The following DOK6 variants were observed in gnomAD, a reference collection of about 807,000 sequenced individuals.
DOK6 encodes the protein docking protein 6.
Under a neutral mutation model 44.0 loss-of-function variants are expected in DOK6, and 22 were observed. That is an observed-to-expected ratio of 0.50 (90% CI 0.36 to 0.71). DOK6 has a LOEUF of 0.71. DOK6 is among the 30% of genes least tolerant of loss of function. The pLI, the probability that DOK6 is intolerant of heterozygous loss-of-function variation, is 0.00. For synonymous variants in DOK6, 166 were observed against 145.5 expected, an observed-to-expected ratio of 1.14 and a Z score of -1.01; for missense variants, 340 against 416.4, an observed-to-expected ratio of 0.82 and a Z score of 1.60.
intron 5 of DOK6, among the ~76,000 whole-genome samples, chr18:69,700,114 G>T (rs1161656194): frequency 6.6e-6 from 1 of 151,670 alleles, no homozygotes; most frequent in African/African-American, 2.4e-5. Flanking sequence ...ATCTCCCACT[G>T]GGTCACTCCA....
intron 5 of DOK6, among the ~76,000 whole-genome samples, chr18:69,709,893 C>T (rs1231594653): frequency 2.6e-5 from 4 of 152,138 alleles, no homozygotes; most frequent in East Asian, 1.9e-4. Context: ...TATAAACTTA[C>T]TGGCTAGGCA....
intron 6 of DOK6, among the ~76,000 whole-genome samples, chr18:69,749,040 C>A (rs1423331540): frequency 2.6e-5 from 4 of 151,938 alleles, no homozygotes; most frequent in Admixed American, 2.6e-4. Context: ...TTATCCCCAG[C>A]AAACTAATGC....
At chr18:69,828,908 T>A in intron 7 of DOK6, among the ~76,000 whole-genome samples, 1 of 31,942 alleles carries the variant, frequency 3.1e-5, no homozygotes, top group Non-Finnish European at 1.5e-4. Context: ...ATAGTATGTA[T>A]GTTAGAGAAA....
chr18:69,405,227 G>A (rs2122380579), intron 1 of DOK6, among the ~76,000 whole-genome samples: 1 of 152,266 alleles, frequency 6.6e-6, no homozygotes, highest in Non-Finnish European at 1.5e-5. Context: ...TGTAAACACT[G>A]TGAGTTTTCC....
At position 69,843,516 on chromosome 18, in the gene DOK6, C is replaced by T. The variant is rs1263164871; in HGVS notation, c.*2133C>T. The T allele has an allele frequency of 6.6e-6, 1 of 152,226 alleles. No individual in the cohort carries two copies. The highest frequency in any genetic ancestry group is 1.9e-4 in the East Asian group (1 of 5,196). 9.4% of individuals were successfully genotyped at this position (152,226 alleles called of 1,614,324 possible). On this transcript the variant is annotated 3_prime_UTR_variant, in exon 8 of 8. Transcript: ENST00000382713. ...CTACAAGGGACTTATGGGGAACGGCCCTCAGGGGTCCTGGTTCACATCTCA... is the reference window on the plus strand; with the variant it reads ...CTACAAGGGACTTATGGGGAACGGCTCTCAGGGGTCCTGGTTCACATCTCA...
At chr18:69,782,585 T>C (rs924338933) in intron 7 of DOK6, among the ~76,000 whole-genome samples, 3 of 151,340 alleles carry the variant, frequency 2.0e-5, no homozygotes, top group Non-Finnish European at 4.4e-5. Flanking sequence ...ACAAAGACAA[T>C]AGAACAAGTT....
At chr18:69,666,718 G>C (rs185804972) in intron 3 of DOK6, among the ~76,000 whole-genome samples, 1 of 152,186 alleles carries the variant, frequency 6.6e-6, no homozygotes, top group East Asian at 1.9e-4. Flanking sequence ...GAATGAGTTA[G>C]ATGACAGATG....
In DOK6 at chr18:69,523,250, T is replaced by C. The variant is rs868437989; in HGVS notation, c.67-41237T>C. Among the ~76,000 whole-genome samples, 7 of 152,192 alleles carry C rather than the reference T, an allele frequency of 4.6e-5. 1 individual carries two copies. In the Middle Eastern group the frequency reaches 0.02, roughly 444 times the overall value. ...GGATGACAGAGTGAACAATGGAAGCTGTACAGACAGATACATTTTCATCTA... is the reference window on the plus strand; with the variant it reads ...GGATGACAGAGTGAACAATGGAAGCCGTACAGACAGATACATTTTCATCTA... On this transcript the variant is annotated intron_variant, in intron 1 of 7. Coordinates refer to ENST00000382713, the MANE Select transcript of DOK6 (RefSeq NM_152721.6).
intron 1 of DOK6, among the ~76,000 whole-genome samples, chr18:69,427,176 G>A (rs11661902): frequency 0.076 from 11,483 of 151,978 alleles, 544 homozygotes; most frequent in Non-Finnish European, 0.1. Flanking sequence ...GACATGTGCT[G>A]TCTCTCTCTC....
At chr18:69,835,077 G>T (rs908808118) in intron 7 of DOK6, among the ~76,000 whole-genome samples, 1 of 152,124 alleles carries the variant, frequency 6.6e-6, no homozygotes, top group African/African-American at 2.4e-5. Context: ...CCATAATCCA[G>T]TCACCTCCCG....
chr18:69,675,272 AAC>A (rs1025509961), intron 3 of DOK6, among the ~76,000 whole-genome samples: 1 of 152,176 alleles, frequency 6.6e-6, no homozygotes, highest in African/African-American at 2.4e-5. Flanking sequence ...CAAAAGACTT[AAC>A]ACAAAGAAGG....
chr18:69,597,868 T>C (rs1431516247), intron 2 of DOK6, among the ~76,000 whole-genome samples: 2 of 152,234 alleles, frequency 1.3e-5, no homozygotes, highest in Non-Finnish European at 2.9e-5. Context: ...GTTGGGGTTG[T>C]AAATACATTT....
intron 3 of DOK6, among the ~76,000 whole-genome samples, chr18:69,674,685 C>G (rs1214259050): frequency 6.6e-6 from 1 of 152,038 alleles, no homozygotes; most frequent in African/African-American, 2.4e-5. Context: ...CACTAACACA[C>G]ACATCATCAT....
chr18:69,737,963 C>G (rs186325992), intron 5 of DOK6, among the ~76,000 whole-genome samples: 124 of 152,332 alleles, frequency 8.1e-4, no homozygotes, highest in African/African-American at 2.3e-3. Context: ...TCCTCTGAAT[C>G]AACAAAGAAA....
intron 3 of DOK6, among the ~76,000 whole-genome samples, chr18:69,649,425 GTATTT>G (rs1985164915): frequency 1.3e-5 from 2 of 152,248 alleles, no homozygotes; most frequent in East Asian, 3.9e-4. Context: ...GAAAATAGGG[GTATTT>G]TAGTTTGGGA....
chr18:69,833,086 A>G (rs1433437287), intron 7 of DOK6, among the ~76,000 whole-genome samples: 4 of 152,178 alleles, frequency 2.6e-5, no homozygotes, highest in Non-Finnish European at 5.9e-5. Flanking sequence ...ACGGTACCAC[A>G]AAAGACCCCA....
At position 69,611,432 on chromosome 18, in the gene DOK6, T is replaced by G. The variant is rs572879052; in HGVS notation, c.289+11934T>G. ...CATAAAATTAAACATGAAATTACCA[T>G]ACAACCTAGAAATTACACTCTTAGG... On this transcript the variant is annotated intron_variant, in intron 3 of 7. Transcript: ENST00000382713. 1.7e-3 allele frequency among the ~76,000 whole-genome samples: 260 copies of G among 151,616 alleles called. 2 individuals carry two copies. The highest frequency in any genetic ancestry group is 6.1e-3 in the African/African-American group (253 of 41,244).
chr18:69,584,927 T>A (rs530061973), intron 2 of DOK6, among the ~76,000 whole-genome samples: 229 of 152,184 alleles, frequency 1.5e-3, no homozygotes, highest in African/African-American at 5.2e-3. Flanking sequence ...CCCCTTTTCA[T>A]CCTGTACTTG....
intron 4 of DOK6, among the ~76,000 whole-genome samples, chr18:69,694,591 C>A (rs2144699605): frequency 6.6e-6 from 1 of 151,932 alleles, no homozygotes; most frequent in Non-Finnish European, 1.5e-5. Flanking sequence ...CATACAAATT[C>A]ACAGGCAATG....
Sources: allele counts gnomAD v4.1 joint callset (sites outside exome capture counted in the v4.1 genomes callset), GRCh38; gene constraint gnomAD v4.1.1; transcripts MANE v1.5; gene names NCBI Gene and HGNC (gene_info 2026-07-23, HGNC 2026-07-21).